Variants in TP53BP2 observed in about 807,000 individuals in gnomAD.
The protein encoded by TP53BP2 is apoptosis-stimulating of p53 protein 2.
Under a neutral mutation model 126.2 loss-of-function variants are expected in TP53BP2, and 62 were observed. The ratio of observed to expected loss-of-function variants is 0.49; its 90% CI spans 0.40 to 0.61. The LOEUF (loss-of-function observed/expected upper bound fraction) is 0.61, where lower values mean the gene tolerates loss of function less well. TP53BP2 is among the 20% of genes least tolerant of loss of function. The pLI, the probability that TP53BP2 is intolerant of heterozygous loss-of-function variation, is 0.00. For synonymous variants in TP53BP2, 485 were observed against 502.9 expected, an observed-to-expected ratio of 0.96 and a Z score of 0.48; for missense variants, 1,215 against 1,402.8, an observed-to-expected ratio of 0.87 and a Z score of 2.14.
intron 12 of TP53BP2, among the ~76,000 whole-genome samples, chr1:223,797,416 C>T (rs547117432): frequency 1.3e-5 from 2 of 150,574 alleles, no homozygotes; most frequent in East Asian, 1.9e-4. Context: ...TATATATGTA[C>T]GTATGTATGT....
Position 223,793,507 on chromosome 1 carries a change from G to A in TP53BP2, c.2725-67C>T, listed in dbSNP as rs899059840. 2.8e-5 allele frequency: 39 copies of A among 1,414,354 alleles called. No homozygotes were observed. In the African/African-American group the frequency reaches 5.1e-4, roughly 19 times the overall value. 87.6% of individuals were successfully genotyped at this position (1,414,354 alleles called of 1,614,324 possible). On this transcript the variant is annotated intron_variant, in intron 13 of 17. Transcript: ENST00000343537. ...GCAAGAGAACAACAGCAGCAAATGGGAAGGAATGACTTCTCACCTAAATTA... is the reference window on the plus strand; with the variant it reads ...GCAAGAGAACAACAGCAGCAAATGGAAAGGAATGACTTCTCACCTAAATTA...
At chr1:223,810,375 G>GT in intron 4 of TP53BP2, 56 bp downstream of exon 4, 1 of 1,295,298 alleles carries the variant, frequency 7.7e-7, no homozygotes, top group Non-Finnish European at 1.1e-6. Flanking sequence ...AAGATTTAAA[G>GT]TTAAAAAATA....
intron 16 of TP53BP2, among the ~76,000 whole-genome samples, chr1:223,787,054 G>A (rs982199220): frequency 6.6e-6 from 1 of 151,902 alleles, no homozygotes; most frequent in Non-Finnish European, 1.5e-5. Context: ...CGCCACCACA[G>A]CTGGCTAATT....
chr1:223,837,847 C>T (rs996039837), intron 1 of TP53BP2, among the ~76,000 whole-genome samples: 3 of 152,044 alleles, frequency 2.0e-5, no homozygotes, highest in African/African-American at 7.2e-5. Flanking sequence ...CCCTCTGGCC[C>T]GCGAAAACCT....
chr1:223,811,531 G>GA (rs927754235), intron 3 of TP53BP2, among the ~76,000 whole-genome samples: 60 of 151,290 alleles, frequency 4.0e-4, no homozygotes, highest in African/African-American at 1.3e-3. Flanking sequence ...ATTTCTGTAA[G>GA]AAAAAAAAAC....
At chr1:223,787,893 A>C (rs1662023726) in intron 16 of TP53BP2, among the ~76,000 whole-genome samples, 1 of 151,864 alleles carries the variant, frequency 6.6e-6, no homozygotes, top group African/African-American at 2.4e-5. Flanking sequence ...TAAATAAATA[A>C]ATAAATAAAT....
At chr1:223,845,278 GAC>G (rs1458332625) in intron 1 of TP53BP2, 2 of 984,482 alleles carry the variant, frequency 2.0e-6, no homozygotes, top group East Asian at 2.3e-4. Context: ...AAAGTAAAAA[GAC>G]ACAGCAAAGA....
chr1:223,826,458 G>C (rs1255712931), intron 1 of TP53BP2, among the ~76,000 whole-genome samples: 2 of 152,168 alleles, frequency 1.3e-5, no homozygotes, highest in African/African-American at 2.4e-5. Context: ...CAAGGACTGT[G>C]GATTTTAATC....
intron 15 of TP53BP2, among the ~76,000 whole-genome samples, chr1:223,791,469 TAAAAC>T (rs1471022927): frequency 2.0e-5 from 3 of 152,074 alleles, no homozygotes; most frequent in Admixed American, 6.6e-5. Context: ...CTCCAAGCAT[TAAAAC>T]AAAAGTTGGA....
chr1:223,827,342 G>C (rs905994179), intron 1 of TP53BP2, among the ~76,000 whole-genome samples: 1 of 152,210 alleles, frequency 6.6e-6, no homozygotes, highest in Admixed American at 6.5e-5. Flanking sequence ...GTCCAGAAGA[G>C]TGCGGGACAC....
chr1:223,821,156 G>A (rs373641186), intron 2 of TP53BP2, 64 bp downstream of exon 2: 29 of 1,602,966 alleles, frequency 1.8e-5, no homozygotes, highest in South Asian at 3.3e-5. Context: ...ACAGTGCCAC[G>A]TCTACAAACC....
At position 223,800,043 on chromosome 1, in the gene TP53BP2, A is replaced by T; in HGVS notation, c.1341T>A (p.Asp447Glu). The change falls in exon 11 of 18, where the codon GAT becomes GAA. Residue 447 changes from aspartate (D) to glutamate (E), a missense_variant. This residue lies in a region of TP53BP2 where 814 missense variants were observed against 853.0 expected (regional missense o/e 0.95). Coordinates refer to ENST00000343537, the MANE Select transcript of TP53BP2 (RefSeq NM_001031685.3). The part of the protein sequence containing the change: ...QSTGNALDQV[D>E]DGEVPLREKE... The stretch of plus-strand genomic sequence containing the variant: ...TCTCCCTCAGCGGAACCTCTCCATC[A>T]TCAACTAAAGACAAAAAAATCACAA... 1 of 1,601,004 alleles carries T rather than the reference A, an allele frequency of 6.2e-7. No individual in the cohort carries two copies. The highest frequency in any genetic ancestry group is 1.7e-4 in the Middle Eastern group (1 of 5,986).
In TP53BP2 at chr1:223,796,520, G is replaced by A; in HGVS notation, c.2019C>T (p.Ser673=). ...QQHPENIYSN[S]QGKPGSPEPE... ...GTTCTGGACTGCCAGGCTTGCCCTG[G>A]CTATTGGAATAAATGTTCTCTGGGT... is the stretch of plus-strand genomic sequence containing the variant. Residue 673 remains serine (S), a synonymous_variant, in exon 13 of 18, where the codon AGC becomes AGT. Coordinates refer to ENST00000343537, the MANE Select transcript of TP53BP2 (RefSeq NM_001031685.3). This position sits in a 1 kb window ranked among gnomAD's most constrained non-coding sequence, Gnocchi z 4.2. 1 of 1,614,040 alleles carries A rather than the reference G, an allele frequency of 6.2e-7. No individual in the cohort carries two copies. Among genetic ancestry groups the A allele is most frequent in the Middle Eastern group, 1.7e-4 (1 of 6,058 alleles).
intron 1 of TP53BP2, among the ~76,000 whole-genome samples, chr1:223,827,096 A>G (rs1319609867): frequency 1.3e-5 from 2 of 152,168 alleles, no homozygotes; most frequent in Admixed American, 1.3e-4. Flanking sequence ...GGAACATTCA[A>G]ACGGAGACAT....
At chr1:223,801,230 T>C (rs1327572213) in intron 9 of TP53BP2, among the ~76,000 whole-genome samples, 1 of 152,222 alleles carries the variant, frequency 6.6e-6, no homozygotes, top group Non-Finnish European at 1.5e-5. Context: ...CAAATCAGTA[T>C]ATTCAGGTTT....
chr1:223,831,948 T>A (rs1663747751), intron 1 of TP53BP2, among the ~76,000 whole-genome samples: 1 of 152,108 alleles, frequency 6.6e-6, no homozygotes, highest in South Asian at 2.1e-4. Flanking sequence ...AGAGCATGTA[T>A]GTACTGTAAC....
intron 4 of TP53BP2, among the ~76,000 whole-genome samples, chr1:223,807,659 A>G (rs1419882147): frequency 2.0e-5 from 3 of 152,110 alleles, no homozygotes; most frequent in African/African-American, 7.2e-5. Context: ...ATTTCAATAT[A>G]TTAGAAACAA....
chr1:223,841,318 C>G (rs1430682070), intron 1 of TP53BP2, among the ~76,000 whole-genome samples: 1 of 151,852 alleles, frequency 6.6e-6, no homozygotes, highest in African/African-American at 2.4e-5. Flanking sequence ...GTTTAACAGC[C>G]TTTGATAACT....
chr1:223,844,727 T>G (rs550045631), intron 1 of TP53BP2, among the ~76,000 whole-genome samples: 34 of 152,322 alleles, frequency 2.2e-4, no homozygotes, highest in Middle Eastern at 3.4e-3. Context: ...CATATTATAC[T>G]CTGTATGTAT....
Sources: gnomAD v4.1 joint callset for allele counts (sites outside exome capture counted in the v4.1 genomes callset) on GRCh38, gnomAD v4.1.1 for gene constraint, gnomAD v4.1.1 regional missense constraint, Gnocchi (gnomAD v3.1) non-coding constraint, MANE v1.5 for transcripts, NCBI Gene and HGNC (gene_info 2026-07-23, HGNC 2026-07-21) for gene names.